Variants in LDHC observed in about 807,000 individuals in gnomAD.
LDHC encodes the protein L-lactate dehydrogenase C chain.
Under a neutral mutation model 30.2 loss-of-function variants are expected in LDHC, and 20 were observed. That is an observed-to-expected ratio of 0.66 (90% confidence interval 0.47 to 0.96). The LOEUF (loss-of-function observed/expected upper bound fraction) is 0.96. Among genes scored for constraint, LDHC ranks in the 40% least tolerant of loss-of-function variants. LDHC has a pLI of 0.00. For synonymous variants in LDHC, 139 were observed against 132.7 expected (o/e 1.05, Z -0.32); for missense variants, 362 against 394.9 (o/e 0.92, Z 0.71).
chr11:18,451,116 C>T lies in LDHC; in HGVS notation c.988C>T (p.Leu330=). The T allele has an allele frequency of 6.6e-7, 1 of 1,511,564 alleles. No homozygotes were observed. The highest frequency in any genetic ancestry group is 1.4e-5 in the African/African-American group (1 of 69,180). 93.6% of individuals were successfully genotyped at this position (1,511,564 alleles called of 1,614,324 possible). The part of the protein sequence containing the change: ...AETLWNIQKD[L]IF ...AACACTTTGGAATATTCAAAAGGAT[C>T]TAATATTTTAAATTAAAGCCTTCTA... Residue 330 remains leucine, a synonymous_variant, in exon 8 of 8, where the codon CTA becomes TTA. Transcript: ENST00000541669.
rs1186594947 is a variant in LDHC at position 18,451,783 on chromosome 11, C to G, written c.*656C>G. On this transcript the variant is annotated 3_prime_UTR_variant, in exon 8 of 8. Coordinates refer to ENST00000541669, the MANE Select transcript of LDHC (RefSeq NM_017448.5). ...TTGGCAACATAGCAACACCCCATCT[C>G]TACAAAAATAAAGAAATTAGATGTG... 6.6e-6 allele frequency: 1 copy of G among 152,118 alleles called. No individual in the cohort carries two copies. The highest frequency in any genetic ancestry group is 2.4e-5 in the African/African-American group (1 of 41,410). The allele number at this position is 152,118 out of a possible 1,614,324, so 9.4% of individuals were successfully genotyped here.
chr11:18,421,301 C>T (rs772459898), intron 3 of LDHC, among the ~76,000 whole-genome samples: 3 of 151,720 alleles, frequency 2.0e-5, no homozygotes, highest in Non-Finnish European at 2.9e-5. Context: ...GTGGTCTGCC[C>T]GCTTCGGCTT....
At chr11:18,413,882 TTTAAA>T (rs1476707265) in intron 2 of LDHC, among the ~76,000 whole-genome samples, 3 of 152,182 alleles carry the variant, frequency 2.0e-5, no homozygotes, top group African/African-American at 4.8e-5. Context: ...AAAAACCCAG[TTTAAA>T]TTAGGGTAAG....
At chr11:18,420,603 T>C (rs1867103828) in intron 3 of LDHC, among the ~76,000 whole-genome samples, 1 of 146,884 alleles carries the variant, frequency 6.8e-6, no homozygotes, top group African/African-American at 2.6e-5. Context: ...AGGATCACTT[T>C]GAGACCAGCC....
chr11:18,429,455 C>T (rs1253802894), intron 3 of LDHC, among the ~76,000 whole-genome samples: 1 of 152,058 alleles, frequency 6.6e-6, no homozygotes, highest in Non-Finnish European at 1.5e-5. Flanking sequence ...CTTTCATTGC[C>T]TTGGGCCTTC....
At chr11:18,425,145 C>T (rs1428664592) in intron 3 of LDHC, among the ~76,000 whole-genome samples, 1 of 151,874 alleles carries the variant, frequency 6.6e-6, no homozygotes, top group African/African-American at 2.4e-5. Flanking sequence ...GCAGGGGCTT[C>T]CAAGGTGTTG....
chr11:18,423,495 G>A (rs1303670374), intron 3 of LDHC, among the ~76,000 whole-genome samples: 1 of 152,134 alleles, frequency 6.6e-6, no homozygotes, highest in Non-Finnish European at 1.5e-5. Flanking sequence ...TCTTATGGCA[G>A]TAGTTATCAT....
intron 4 of LDHC, among the ~76,000 whole-genome samples, chr11:18,434,217 A>ATTTTTT (rs60806253): frequency 6.8e-6 from 1 of 146,074 alleles, no homozygotes. Context: ...TTCTTGTATC[A>ATTTTTT]TTTTTTTTTT....
intron 3 of LDHC, among the ~76,000 whole-genome samples, chr11:18,424,247 T>C (rs891129945): frequency 3.9e-5 from 6 of 151,968 alleles, no homozygotes; most frequent in Non-Finnish European, 7.4e-5. Context: ...CCGGGCATGG[T>C]GGTGCGCGCC....
rs150233086 is a variant in LDHC, at chr11:18,421,544, A to G, written c.244+6243A>G. Reference sequence around the variant, plus strand: ...AAAAATTAGTTGGGCGTGCTGATGCATGCCTATAATCCCAGCTACTCAGGA... The same window carrying G: ...AAAAATTAGTTGGGCGTGCTGATGCGTGCCTATAATCCCAGCTACTCAGGA... On this transcript the variant is annotated intron_variant, in intron 3 of 7. Transcript: ENST00000541669. 3.6e-3 allele frequency among the ~76,000 whole-genome samples: 555 copies of G among 152,090 alleles called. 8 individuals are homozygous for G. The highest frequency in any genetic ancestry group is 0.013 in the African/African-American group (537 of 41,546).
At chr11:18,443,704 C>T (rs1848504822) in intron 6 of LDHC, among the ~76,000 whole-genome samples, 1 of 152,114 alleles carries the variant, frequency 6.6e-6, no homozygotes, top group Non-Finnish European at 1.5e-5. Flanking sequence ...AAGCAATCTG[C>T]CCACCTTGGC....
chr11:18,446,435 G>A, intron 7 of LDHC, 102 bp downstream of exon 7: 1 of 879,130 alleles, frequency 1.1e-6, no homozygotes, highest in Admixed American at 2.3e-5. Flanking sequence ...ATATAATAGT[G>A]AATAAAAAAT....
chr11:18,451,634 T>A lies in LDHC; in HGVS notation c.*507T>A, dbSNP rs1848657353. 1 of 152,166 alleles carries A rather than the reference T, an allele frequency of 6.6e-6. No homozygotes were observed. Among genetic ancestry groups the A allele is most frequent in the Non-Finnish European group, 1.5e-5 (1 of 68,070 alleles). 9.4% of individuals were successfully genotyped at this position (152,166 alleles called of 1,614,324 possible). A position where few individuals can be genotyped will look rare whatever the true frequency, so the allele number is the denominator to read the frequency against. On this transcript the variant is annotated 3_prime_UTR_variant, in exon 8 of 8. Coordinates refer to ENST00000541669, the MANE Select transcript of LDHC (RefSeq NM_017448.5). ...CAAAAAAAATCATTATAAATGCTTA[T>A]TTTTAAGACCATATATATCAAAAAG...
chr11:18,416,859 G>T (rs1196998123), intron 3 of LDHC, among the ~76,000 whole-genome samples: 1 of 145,708 alleles, frequency 6.9e-6, no homozygotes, highest in Non-Finnish European at 1.5e-5. Flanking sequence ...TCCTCTCCAT[G>T]TTGCCCAGAT....
chr11:18,421,002 C>T (rs183530844), intron 3 of LDHC, among the ~76,000 whole-genome samples: 9 of 152,200 alleles, frequency 5.9e-5, no homozygotes, highest in African/African-American at 1.7e-4. Flanking sequence ...TAACTTTGAA[C>T]TTTGATAAGT....
At chr11:18,435,416 C>T (rs1235016359) in intron 5 of LDHC, among the ~76,000 whole-genome samples, 1 of 151,844 alleles carries the variant, frequency 6.6e-6, no homozygotes, top group East Asian at 1.9e-4. Flanking sequence ...ACCCCCCTCC[C>T]CGACCCCCGC....
At chr11:18,415,786 G>A (rs544048531) in intron 3 of LDHC, among the ~76,000 whole-genome samples, 54 of 151,754 alleles carry the variant, frequency 3.6e-4, no homozygotes, top group African/African-American at 1.2e-3. Flanking sequence ...TCCGCCACCT[G>A]GGTTCAAGCA....
At position 18,412,807 on chromosome 11, in the gene LDHC, C is replaced by T. The variant is rs372908896; in HGVS notation, c.90C>T (p.Ala30=). The change falls in exon 2 of 8, where the codon GCC becomes GCT. Residue 30 remains alanine, a synonymous_variant. Transcript: ENST00000541669. ...QCKITIVGTG[A]VGMACAISIL... ...AAATTACTATTGTTGGAACTGGTGC[C>T]GTAGGCATGGCTTGTGCTATTAGTA... The T allele has an allele frequency of 3.1e-6, 5 of 1,613,756 alleles. No individual in the cohort carries two copies. In the African/African-American group the frequency reaches 4.0e-5, roughly 13 times the overall value.
At chr11:18,421,565 C>T (rs1166241247) in intron 3 of LDHC, among the ~76,000 whole-genome samples, 2 of 152,038 alleles carry the variant, frequency 1.3e-5, no homozygotes, top group Non-Finnish European at 2.9e-5. Context: ...CCCAGCTACT[C>T]AGGAACCTGA....
Sources: allele counts gnomAD v4.1 joint callset (sites outside exome capture counted in the v4.1 genomes callset), GRCh38; gene constraint gnomAD v4.1.1; transcripts MANE v1.5; gene names NCBI Gene and HGNC (gene_info 2026-07-23, HGNC 2026-07-21).